Variants in COL4A6 observed in about 807,000 individuals in gnomAD.
COL4A6 encodes the protein collagen type IV alpha 6 chain, also known as collagen alpha-6(IV) chain.
A neutral mutation model predicts 126.7 loss-of-function variants in COL4A6; 59 were observed. The observed-to-expected ratio is 0.47, with a 90% CI of 0.38 to 0.58. The LOEUF is 0.58. Ranked by LOEUF, COL4A6 falls within the 20% of genes least tolerant of loss-of-function variation. The pLI is 0.00. For missense variants in COL4A6, 1,285 were observed against 1,337.3 expected (o/e 0.96, Z 0.61); for synonymous variants, 547 against 496.6 (o/e 1.10, Z -1.35).
chrX:108,287,939 C>T (rs2038052148), intron 3 of COL4A6, among the ~76,000 whole-genome samples: 1 of 111,698 alleles, frequency 9.0e-6, no homozygotes, highest in Non-Finnish European at 1.9e-5. Context: ...TTTCCTGTCT[C>T]TCAGGAATCA....
intron 3 of COL4A6, among the ~76,000 whole-genome samples, chrX:108,241,884 T>C (rs1479758195): frequency 9.0e-6 from 1 of 110,771 alleles, no homozygotes; most frequent in East Asian, 2.8e-4. Flanking sequence ...CATCACCTGG[T>C]TTTACTAATG....
chrX:108,231,458 TC>T (rs1257126982), intron 3 of COL4A6, among the ~76,000 whole-genome samples: 1 of 112,659 alleles, frequency 8.9e-6, no homozygotes, highest in African/African-American at 3.2e-5. Context: ...ATAATAACTT[TC>T]TTTTACCAAG....
rs755743892 is a variant in COL4A6, at chrX:108,164,921, C to T, written c.3926G>A (p.Gly1309Glu). The T allele has an allele frequency of 4.1e-6, 5 of 1,208,624 alleles. No individual in the cohort carries two copies. In the Admixed American group the frequency reaches 1.1e-4, roughly 27 times the overall value. ...AGGGAGGCCAGAAAAACCTGGAATT[C>T]CTTGGTCTCCCTTAGGCCCTTTAGG... is the stretch of plus-strand genomic sequence containing the variant. Reference protein sequence around the residue: ...PGPKGPKGDQGIPGFSGLPGE... With the variant: ...PGPKGPKGDQEIPGFSGLPGE... Residue 1309 changes from glycine to glutamate, a missense_variant, in exon 39 of 45, where the codon GGA becomes GAA. Transcript: ENST00000334504.
intron 3 of COL4A6, among the ~76,000 whole-genome samples, chrX:108,227,405 C>T (rs1379053682): frequency 4.5e-5 from 5 of 111,276 alleles, no homozygotes; most frequent in Non-Finnish European, 9.4e-5. Context: ...ATGAAACAGC[C>T]CTTGGGAGAT....
chrX:108,280,009 T>A (rs2037753131), intron 3 of COL4A6, among the ~76,000 whole-genome samples: 1 of 109,959 alleles, frequency 9.1e-6, no homozygotes, highest in East Asian at 2.8e-4. Context: ...TAGAGGGAAA[T>A]TTATAGCACT....
At chrX:108,437,885 G>C in intron 2 of COL4A6, 57 bp downstream of exon 2, 1 of 1,166,726 alleles carries the variant, frequency 8.6e-7, no homozygotes, top group Non-Finnish European at 1.2e-6. Context: ...ACTAGAGATG[G>C]GGATGGTTAG....
intron 3 of COL4A6, among the ~76,000 whole-genome samples, chrX:108,272,939 T>A (rs1446601137): frequency 9.1e-6 from 1 of 110,212 alleles, no homozygotes; most frequent in African/African-American, 3.3e-5. Flanking sequence ...TTTATTTATT[T>A]TTATTATTAT....
chrX:108,178,912 C>T, intron 26 of COL4A6, 67 bp from the exon 27 acceptor site: 1 of 1,083,856 alleles, frequency 9.2e-7, no homozygotes, highest in South Asian at 2.2e-5. Context: ...AGCAAACCAA[C>T]TTCCAGGACT....
intron 2 of COL4A6, among the ~76,000 whole-genome samples, chrX:108,360,379 T>G (rs1161916486): frequency 2.7e-5 from 3 of 111,783 alleles, no homozygotes; most frequent in Non-Finnish European, 1.9e-5. Context: ...CAAGAATGAC[T>G]CACTTGAGAA....
At chrX:108,346,205 T>A (rs1401120754) in intron 2 of COL4A6, among the ~76,000 whole-genome samples, 1 of 111,754 alleles carries the variant, frequency 8.9e-6, no homozygotes, top group Non-Finnish European at 1.9e-5. Flanking sequence ...ATTTATTATG[T>A]GCCAGGCAGT....
At chrX:108,384,046 C>A in intron 2 of COL4A6, 1 of 497,417 alleles carries the variant, frequency 2.0e-6, no homozygotes, top group Non-Finnish European at 3.0e-6. Flanking sequence ...TATTGATTTA[C>A]CTGTCTATGC....
At chrX:108,404,446 G>C (rs186007394) in intron 2 of COL4A6, among the ~76,000 whole-genome samples, 2 of 111,366 alleles carry the variant, frequency 1.8e-5, no homozygotes, top group East Asian at 5.6e-4. Flanking sequence ...CTATATCCTC[G>C]GTTTTAAAAG....
At chrX:108,362,714 C>A (rs1470229907) in intron 2 of COL4A6, among the ~76,000 whole-genome samples, 1 of 111,863 alleles carries the variant, frequency 8.9e-6, no homozygotes, top group Admixed American at 9.5e-5. Context: ...GAGCTTCAAC[C>A]TATTGATCCT....
At chrX:108,183,624 G>T in intron 23 of COL4A6, 1 of 548,424 alleles carries the variant, frequency 1.8e-6, no homozygotes, top group Non-Finnish European at 2.5e-6. Flanking sequence ...CCAGTGTGGT[G>T]CTCAGGCCAT....
intron 3 of COL4A6, among the ~76,000 whole-genome samples, chrX:108,309,801 AACACACACACACACACACAC>A (rs4036315): frequency 3.8e-4 from 31 of 80,899 alleles, no homozygotes; most frequent in Middle Eastern, 6.4e-3. Flanking sequence ...TAATCCTGGA[AACACACACACACACACACAC>A]ACACACACAC....
At chrX:108,190,152 G>A (rs1371930948) in intron 20 of COL4A6, among the ~76,000 whole-genome samples, 1 of 112,242 alleles carries the variant, frequency 8.9e-6, no homozygotes, top group Middle Eastern at 4.2e-3. Flanking sequence ...AACAGCCTGG[G>A]CTGCAGGTGG....
chrX:108,313,735 T>A (rs1485678098), intron 2 of COL4A6, among the ~76,000 whole-genome samples: 1 of 112,111 alleles, frequency 8.9e-6, no homozygotes, highest in Non-Finnish European at 1.9e-5. Context: ...TGTATTTCAA[T>A]ATATAAAAGC....
At chrX:108,261,115 C>T (rs1304868923) in intron 3 of COL4A6, among the ~76,000 whole-genome samples, 1 of 111,375 alleles carries the variant, frequency 9.0e-6, no homozygotes, top group African/African-American at 3.3e-5. Flanking sequence ...AACACGATTG[C>T]TAATCATTTA....
Position 108,180,571 on chromosome X carries a change from C to T in COL4A6, c.2075G>A (p.Ser692Asn), listed in dbSNP as rs767702464. 1.1e-4 allele frequency: 137 copies of T among 1,206,307 alleles called. No homozygotes were observed. In the South Asian group the frequency reaches 2.1e-3, roughly 19 times the overall value. The change falls in exon 25 of 45, where the codon AGT becomes AAT. Residue 692 changes from serine to asparagine, a missense_variant. Physicochemically the swap from Ser to Asn is conservative, Grantham distance 46 (BLOSUM62 1). Transcript: ENST00000334504. ...LPGTPGQPGS[S>N]GSKGEPGSPG... ...ACTCCCTGGCTCTCCTTTACTTCCACTTGACCCAGGCTGGCCTGGGGTCCC... is the reference window on the plus strand; with the variant it reads ...ACTCCCTGGCTCTCCTTTACTTCCATTTGACCCAGGCTGGCCTGGGGTCCC...
Sources: gnomAD v4.1 joint callset for allele counts (sites outside exome capture counted in the v4.1 genomes callset) on GRCh38, gnomAD v4.1.1 for gene constraint, MANE v1.5 for transcripts, NCBI Gene and HGNC (gene_info 2026-07-23, HGNC 2026-07-21) for gene names.